The following LARGE1 variants were observed in gnomAD, a reference collection of about 807,000 sequenced individuals.
LARGE1 encodes the protein xylosyl- and glucuronyltransferase LARGE1.
A neutral mutation model predicts 87.6 loss-of-function variants in LARGE1; 43 were observed. The observed-to-expected ratio is 0.49, with a 90% CI of 0.38 to 0.63. LARGE1 has a LOEUF of 0.63. Ranked by LOEUF, LARGE1 falls within the 30% of genes least tolerant of loss-of-function variation. LARGE1 has a pLI of 0.00. For synonymous variants in LARGE1, 434 were observed against 394.6 expected (o/e 1.10, Z -1.18); for missense variants, 802 against 1,000.2 (o/e 0.80, Z 2.67).
chr22:33,872,547 G>A (rs1332790350), intron 1 of LARGE1, among the ~76,000 whole-genome samples: 1 of 151,916 alleles, frequency 6.6e-6, no homozygotes, highest in Non-Finnish European at 1.5e-5. Flanking sequence ...CACTAGCTGT[G>A]GACACATCCT....
At chr22:33,425,952 T>G (rs2066861350) in intron 7 of LARGE1, among the ~76,000 whole-genome samples, 1 of 152,150 alleles carries the variant, frequency 6.6e-6, no homozygotes, top group South Asian at 2.1e-4. Flanking sequence ...TTCACCATGT[T>G]AGCCAGGATG....
intron 6 of LARGE1, among the ~76,000 whole-genome samples, chr22:33,467,969 C>A (rs1378627068): frequency 6.6e-6 from 1 of 152,154 alleles, no homozygotes; most frequent in Non-Finnish European, 1.5e-5. Flanking sequence ...TCATTTGAGG[C>A]TGTGACCTCA....
At chr22:33,362,504 A>G (rs2064423670) in intron 9 of LARGE1, among the ~76,000 whole-genome samples, 1 of 149,650 alleles carries the variant, frequency 6.7e-6, no homozygotes, top group Non-Finnish European at 1.5e-5. Flanking sequence ...TACTTAGCAC[A>G]AAGTTCTCCA....
intron 3 of LARGE1, among the ~76,000 whole-genome samples, chr22:33,644,249 G>A (rs1250585352): frequency 6.6e-6 from 1 of 152,146 alleles, no homozygotes; most frequent in East Asian, 1.9e-4. Flanking sequence ...ATGCAAGGCT[G>A]GTTCAACACA....
In LARGE1 at chr22:33,473,943, T is replaced by C. The variant is rs548855672; in HGVS notation, c.788-41678A>G. ...GCACACCTTCTCACCATCCCACAGTTTGAAGACATTTCATATTCTTATATT... is the reference window on the plus strand; with the variant it reads ...GCACACCTTCTCACCATCCCACAGTCTGAAGACATTTCATATTCTTATATT... On this transcript the variant is annotated intron_variant, in intron 6 of 14. Transcript: ENST00000397394. Among the ~76,000 whole-genome samples, 4 of 152,292 alleles carry C rather than the reference T, an allele frequency of 2.6e-5. No individual in the cohort carries two copies. The South Asian group carries it at 8.3e-4, about 32-fold the overall frequency.
intron 2 of LARGE1, among the ~76,000 whole-genome samples, chr22:33,674,510 C>T (rs1057134120): frequency 7.2e-5 from 11 of 152,124 alleles, no homozygotes; most frequent in Admixed American, 1.3e-4. Context: ...AAGACTAAGG[C>T]GAAACTCTTT....
chr22:33,785,170 C>T (rs1204304109), intron 1 of LARGE1, among the ~76,000 whole-genome samples: 1 of 145,228 alleles, frequency 6.9e-6, no homozygotes, highest in Non-Finnish European at 1.5e-5. Context: ...TATGTGTATA[C>T]ATACATATGT....
intron 7 of LARGE1, among the ~76,000 whole-genome samples, chr22:33,412,171 C>A (rs1200704911): frequency 6.6e-6 from 1 of 152,090 alleles, no homozygotes; most frequent in Non-Finnish European, 1.5e-5. Flanking sequence ...GTAGTCCCAG[C>A]TACTCGAGAG....
chr22:33,791,093 G>A (rs1007544153), intron 1 of LARGE1, among the ~76,000 whole-genome samples: 1 of 152,086 alleles, frequency 6.6e-6, no homozygotes, highest in African/African-American at 2.4e-5. Flanking sequence ...ATAAAGAAAA[G>A]CCTTCTAAAT....
At chr22:33,516,960 T>A (rs2071337643) in intron 6 of LARGE1, among the ~76,000 whole-genome samples, 1 of 152,210 alleles carries the variant, frequency 6.6e-6, no homozygotes, top group Admixed American at 6.5e-5. Flanking sequence ...CATCATTTTC[T>A]TTTTATATGT....
intron 7 of LARGE1, among the ~76,000 whole-genome samples, chr22:33,418,555 A>C (rs1241916530): frequency 1.3e-5 from 2 of 152,224 alleles, no homozygotes; most frequent in Non-Finnish European, 2.9e-5. Flanking sequence ...TGGCTAGGGA[A>C]GCCCACTCTG....
At chr22:33,527,822 T>C (rs1316258524) in intron 6 of LARGE1, among the ~76,000 whole-genome samples, 1 of 152,118 alleles carries the variant, frequency 6.6e-6, no homozygotes, top group Non-Finnish European at 1.5e-5. Context: ...AAACAGTGGT[T>C]CCCAAATGAC....
At chr22:33,471,197 C>T (rs926876773) in intron 6 of LARGE1, among the ~76,000 whole-genome samples, 4 of 151,788 alleles carry the variant, frequency 2.6e-5, no homozygotes, top group Admixed American at 6.6e-5. Flanking sequence ...CCAGCTCATA[C>T]TTGTATTTTT....
chr22:33,878,866 A>G (rs970942744), intron 1 of LARGE1, among the ~76,000 whole-genome samples: 3 of 152,196 alleles, frequency 2.0e-5, no homozygotes, highest in African/African-American at 7.2e-5. Flanking sequence ...TATGGTTTTA[A>G]AAGAGTGAGG....
chr22:33,478,455 A>C (rs1363670603), intron 6 of LARGE1, among the ~76,000 whole-genome samples: 1 of 152,266 alleles, frequency 6.6e-6, no homozygotes, highest in Non-Finnish European at 1.5e-5. Flanking sequence ...CCGCATTGCA[A>C]AGTAGGATGA....
intron 2 of LARGE1, among the ~76,000 whole-genome samples, chr22:33,674,260 C>G (rs1223207809): frequency 6.6e-6 from 1 of 152,128 alleles, no homozygotes; most frequent in East Asian, 1.9e-4. Context: ...CCATTCTTCC[C>G]TCCCCCAAGC....
chr22:33,278,894 A>G (rs546872981), intron 13 of LARGE1, among the ~76,000 whole-genome samples: 119 of 152,034 alleles, frequency 7.8e-4, no homozygotes, highest in African/African-American at 2.7e-3. Context: ...TAATTTTTGT[A>G]TTTTTAGTAG....
chr22:33,804,761 T>A (rs2086258860), intron 1 of LARGE1, among the ~76,000 whole-genome samples: 1 of 152,090 alleles, frequency 6.6e-6, no homozygotes. Flanking sequence ...GCAACCCAGG[T>A]TTTATTTTTC....
At chr22:33,504,464 C>T (rs1322816562) in intron 6 of LARGE1, among the ~76,000 whole-genome samples, 4 of 152,128 alleles carry the variant, frequency 2.6e-5, no homozygotes, top group South Asian at 2.1e-4. Context: ...TTCACCACGT[C>T]GGCCAGGCTG....
Sources: gnomAD v4.1 joint callset for allele counts (sites outside exome capture counted in the v4.1 genomes callset) on GRCh38, gnomAD v4.1.1 for gene constraint, MANE v1.5 for transcripts, NCBI Gene and HGNC (gene_info 2026-07-23, HGNC 2026-07-21) for gene names.